Variants in SP100 observed in about 807,000 individuals in gnomAD.
SP100 encodes nuclear autoantigen Sp-100.
SP100 carries 84 observed loss-of-function variants against 130.0 expected under a neutral mutation model. That is an observed-to-expected ratio of 0.65 (90% CI 0.54 to 0.77). SP100 has a LOEUF of 0.77. Among genes scored for constraint, SP100 ranks in the 30% least tolerant of loss-of-function variants. The pLI, the probability that SP100 is intolerant of heterozygous loss-of-function variation, is 0.00. For missense variants in SP100, 978 were observed against 1,052.2 expected, an observed-to-expected ratio of 0.93 and a Z score of 0.97; for synonymous variants, 331 against 351.7, an observed-to-expected ratio of 0.94 and a Z score of 0.66.
intron 2 of SP100, among the ~76,000 whole-genome samples, chr2:230,425,352 A>T (rs1478825345): frequency 6.6e-6 from 1 of 152,104 alleles, no homozygotes; most frequent in East Asian, 1.9e-4. Flanking sequence ...TGTTTCTATG[A>T]TTCAACTTTT....
At chr2:230,475,849 G>A (rs1260698488) in intron 17 of SP100, among the ~76,000 whole-genome samples, 1 of 152,078 alleles carries the variant, frequency 6.6e-6, no homozygotes, top group Admixed American at 6.5e-5. Flanking sequence ...ATGGTTGTAA[G>A]TGAGCAGGTT....
At chr2:230,423,013 A>G (rs1306527313) in intron 2 of SP100, among the ~76,000 whole-genome samples, 1 of 152,202 alleles carries the variant, frequency 6.6e-6, no homozygotes, top group Non-Finnish European at 1.5e-5. Flanking sequence ...GAAATTTTGA[A>G]TATATTTATA....
At chr2:230,452,678 T>G (rs1338779827) in intron 8 of SP100, among the ~76,000 whole-genome samples, 1 of 152,234 alleles carries the variant, frequency 6.6e-6, no homozygotes, top group Non-Finnish European at 1.5e-5. Flanking sequence ...TTAAGTATTT[T>G]GTTGCAGTTA....
At chr2:230,506,007 T>C (rs1690064382) in intron 21 of SP100, among the ~76,000 whole-genome samples, 1 of 152,190 alleles carries the variant, frequency 6.6e-6, no homozygotes, top group Non-Finnish European at 1.5e-5. Context: ...TTAGGGCCAT[T>C]CTTTGCACCC....
At chr2:230,541,157 A>T (rs1692157759) in intron 26 of SP100, 144 bp from the exon 27 acceptor site, 1 of 1,235,872 alleles carries the variant, frequency 8.1e-7, no homozygotes, top group Non-Finnish European at 1.1e-6. Context: ...TTCCAAAGAA[A>T]AATCCCGGTC....
intron 24 of SP100, among the ~76,000 whole-genome samples, chr2:230,528,975 C>G (rs532943408): frequency 6.6e-6 from 1 of 152,298 alleles, no homozygotes; most frequent in South Asian, 2.1e-4. Context: ...CAGACAGATT[C>G]ACAGCCCAAT....
chr2:230,539,240 C>A (rs781282783), intron 24 of SP100, 27 bp from the exon 25 acceptor site: 1 of 1,435,936 alleles, frequency 7.0e-7, no homozygotes, highest in South Asian at 1.1e-5. Flanking sequence ...TCACTGATCC[C>A]GGTGATGTCT....
rs796889943 is a variant in SP100 at position 230,438,648 on chromosome 2, TACACAC to T, written c.108-4255_108-4250del. Among the ~76,000 whole-genome samples the T allele has an allele frequency of 1.1e-3, 138 of 127,484 alleles. 2 individuals carry two copies. Among genetic ancestry groups the T allele is most frequent in the Middle Eastern group, 8.3e-3 (2 of 242 alleles). The allele number at this position is 127,484 out of a possible 152,430, so 83.6% of individuals were successfully genotyped here. The stretch of plus-strand genomic sequence containing the variant: ...AGTAGTACTCCATGGTGTATATATA[TACACAC>T]ACACACACACACACACACACACACA... On this transcript the variant is annotated intron_variant, in intron 2 of 28. Transcript: ENST00000340126.
At chr2:230,425,754 T>A (rs1465710809) in intron 2 of SP100, among the ~76,000 whole-genome samples, 1 of 152,122 alleles carries the variant, frequency 6.6e-6, no homozygotes, top group Non-Finnish European at 1.5e-5. Flanking sequence ...GGCTTAGGTA[T>A]CAAGGTAATG....
chr2:230,463,916 G>C, intron 10 of SP100, 151 bp from the exon 11 acceptor site: 1 of 562,932 alleles, frequency 1.8e-6, no homozygotes, highest in Non-Finnish European at 3.3e-6. Flanking sequence ...ATGAAGGTTA[G>C]TTGAAAGGCA....
Position 230,494,441 on chromosome 2 carries a change from A to C in SP100, c.1626A>C (p.Lys542Asn), listed in dbSNP as rs1413664927. The C allele has an allele frequency of 6.2e-7, 1 of 1,608,370 alleles. No individual in the cohort carries two copies. The highest frequency in any genetic ancestry group is 1.3e-5 in the African/African-American group (1 of 74,930). ...KRRKKRRHRSKVNGLQRGRKK... is the reference protein window; with the variant it reads ...KRRKKRRHRSNVNGLQRGRKK... ...GAAAAAAGAGAAGGCATAGATCTAA[A>C]GTAAATGGTCTCCAAAGAGGTAAGA... Residue 542 changes from lysine to asparagine, a missense_variant, in exon 18 of 29, where the codon AAA becomes AAC. Lys to Asn is a moderately conservative substitution (Grantham distance 94). Transcript: ENST00000340126.
chr2:230,476,888 C>A (rs148859628), intron 17 of SP100, among the ~76,000 whole-genome samples: 8 of 152,002 alleles, frequency 5.3e-5, no homozygotes, highest in African/African-American at 1.9e-4. Flanking sequence ...TTATTTTTGA[C>A]GGAGTCTTGC....
At chr2:230,525,080 G>T (rs1489163401) in intron 24 of SP100, among the ~76,000 whole-genome samples, 2 of 152,070 alleles carry the variant, frequency 1.3e-5, no homozygotes, top group African/African-American at 4.8e-5. Context: ...GGTAAGGAAG[G>T]TTACATAGAA....
intron 2 of SP100, 48 bp from the exon 3 acceptor site, chr2:230,442,889 A>G (rs769656881): frequency 2.0e-6 from 3 of 1,537,402 alleles, no homozygotes; most frequent in Non-Finnish European, 2.7e-6. Context: ...CTCCACAAAC[A>G]TCTCAGAATC....
At chr2:230,451,950 A>G (rs1231020903) in intron 8 of SP100, among the ~76,000 whole-genome samples, 1 of 152,192 alleles carries the variant, frequency 6.6e-6, no homozygotes. Flanking sequence ...TCAATTGACC[A>G]TAAATGCATG....
Position 230,436,340 on chromosome 2 carries a change from C to A in SP100, c.108-6597C>A, listed in dbSNP as rs565496024. ...CTCATATGGTTTTGCTGTGTCCCCACCCAAAATCTCATCTTGAATTGTAAT... is the reference window on the plus strand; with the variant it reads ...CTCATATGGTTTTGCTGTGTCCCCAACCAAAATCTCATCTTGAATTGTAAT... On this transcript the variant is annotated intron_variant, in intron 2 of 28. Transcript: ENST00000340126. Among the ~76,000 whole-genome samples, 11 of 152,098 alleles carry A rather than the reference C, an allele frequency of 7.2e-5. No homozygotes were observed. The South Asian group carries it at 2.1e-3, about 29-fold the overall frequency.
chr2:230,504,238 T>C lies in SP100; in HGVS notation c.1818T>C (p.Pro606=). Reference sequence around the variant, plus strand: ...TTAATTTTAAACAATCTGAACTTCCTGTGACCTGTGGTGAGGTGAAGGGCA... The same window carrying C: ...TTAATTTTAAACAATCTGAACTTCCCGTGACCTGTGGTGAGGTGAAGGGCA... ...ENINFKQSEL[P]VTCGEVKGTL... is the part of the protein sequence containing the mutation. Residue 606 remains proline (P), a synonymous_variant, in exon 21 of 29, where the codon CCT becomes CCC. Coordinates refer to ENST00000340126, the MANE Select transcript of SP100 (RefSeq NM_001080391.2). 6.2e-7 allele frequency: 1 copy of C among 1,613,206 alleles called. No individual in the cohort carries two copies. Among genetic ancestry groups the C allele is most frequent in the Non-Finnish European group, 8.5e-7 (1 of 1,179,330 alleles).
At chr2:230,487,108 A>T (rs988978070) in intron 17 of SP100, among the ~76,000 whole-genome samples, 2 of 152,090 alleles carry the variant, frequency 1.3e-5, no homozygotes, top group East Asian at 3.8e-4. Context: ...AAATTTTCTC[A>T]CATTCTGTAG....
chr2:230,509,708 A>G (rs958064773), intron 23 of SP100: 1 of 152,094 alleles, frequency 6.6e-6, no homozygotes, highest in African/African-American at 2.4e-5. Flanking sequence ...GGTAACTGCT[A>G]TTGTTGCCAG....
Sources: gnomAD v4.1 joint callset for allele counts (sites outside exome capture counted in the v4.1 genomes callset) on GRCh38, gnomAD v4.1.1 for gene constraint, MANE v1.5 for transcripts, NCBI Gene and HGNC (gene_info 2026-07-23, HGNC 2026-07-21) for gene names.